PTPRT: variants seen among roughly 807,000 people sequenced by gnomAD.
PTPRT encodes the protein receptor-type tyrosine-protein phosphatase T.
In PTPRT, 56 loss-of-function variants were observed where a neutral mutation model predicts 176.8. The ratio of observed to expected loss-of-function variants is 0.32; its 90% CI spans 0.26 to 0.40. PTPRT has a LOEUF of 0.40. Ranked by LOEUF, PTPRT falls within the 10% of genes least tolerant of loss-of-function variation. The pLI is 1.00. For missense variants in PTPRT, 1,540 were observed against 1,908.2 expected, an observed-to-expected ratio of 0.81 and a Z score of 3.60; for synonymous variants, 783 against 739.0, an observed-to-expected ratio of 1.06 and a Z score of -0.96.
chr20:42,703,806 C>T (rs1193166266), intron 6 of PTPRT, among the ~76,000 whole-genome samples: 2 of 152,168 alleles, frequency 1.3e-5, no homozygotes, highest in African/African-American at 2.4e-5. Flanking sequence ...CTTGCCCCTG[C>T]ACACGAGCTC....
At chr20:42,347,844 T>C (rs1320849754) in intron 11 of PTPRT, among the ~76,000 whole-genome samples, 2 of 152,266 alleles carry the variant, frequency 1.3e-5, no homozygotes, top group Non-Finnish European at 2.9e-5. Context: ...CTTTCTATTG[T>C]GCATGGGCAA....
intron 1 of PTPRT, among the ~76,000 whole-genome samples, chr20:42,982,163 G>A (rs1171300656): frequency 6.6e-6 from 1 of 152,180 alleles, no homozygotes; most frequent in Non-Finnish European, 1.5e-5. Flanking sequence ...ACCTTCGTTA[G>A]GTTGACGAAG....
intron 2 of PTPRT, among the ~76,000 whole-genome samples, chr20:42,856,553 G>C (rs937404931): frequency 2.0e-5 from 3 of 152,078 alleles, no homozygotes; most frequent in Non-Finnish European, 4.4e-5. Context: ...AAACATGACA[G>C]TTGTTCAAGA....
chr20:42,644,964 C>G (rs556033571), intron 7 of PTPRT, among the ~76,000 whole-genome samples: 34 of 152,134 alleles, frequency 2.2e-4, no homozygotes, highest in Non-Finnish European at 3.5e-4. Flanking sequence ...AAGTTCAGAA[C>G]CTTGCTACAT....
Position 42,618,346 on chromosome 20 carries a change from G to T in PTPRT, c.1153+59520C>A, listed in dbSNP as rs1345520193. Among the ~76,000 whole-genome samples, 6 of 135,310 alleles carry T rather than the reference G, an allele frequency of 4.4e-5. 1 individual carries two copies. Among genetic ancestry groups the T allele is most frequent in the African/African-American group, 2.0e-4 (6 of 30,336 alleles). 88.8% of individuals were successfully genotyped at this position (135,310 alleles called of 152,430 possible). On this transcript the variant is annotated intron_variant, in intron 7 of 30. Coordinates refer to ENST00000373187, the MANE Select transcript of PTPRT (RefSeq NM_007050.6). Reference sequence around the variant, plus strand: ...TCTGTTCTTTTACATTTGCTGAGGAGTGCTTTACTTCCAACTATGTGGTCA... The same window carrying T: ...TCTGTTCTTTTACATTTGCTGAGGATTGCTTTACTTCCAACTATGTGGTCA...
the PTPRT span, among the ~76,000 whole-genome samples, chr20:42,039,311 CAT>C: frequency 2.0e-5 from 3 of 152,130 alleles, no homozygotes; most frequent in Admixed American, 6.5e-5. Flanking sequence ...AGCTGATTAA[CAT>C]ATGCATTAGT....
chr20:42,503,093 A>C (rs1485605622), intron 7 of PTPRT, among the ~76,000 whole-genome samples: 1 of 151,970 alleles, frequency 6.6e-6, no homozygotes, highest in Non-Finnish European at 1.5e-5. Flanking sequence ...TTCTGGAGAG[A>C]AAAAAGGAGT....
At position 42,829,443 on chromosome 20, in the gene PTPRT, A is replaced by AT. The variant is rs370812283; in HGVS notation, c.215-37978dup. On this transcript the variant is annotated intron_variant, in intron 2 of 30. Transcript: ENST00000373187. ...TTTGGGGGACTGTTAGAAGGCCATG[A>AT]TTGGCCAGGCGCAGTGGCTCACACC... is the stretch of plus-strand genomic sequence containing the variant. 1.1e-3 allele frequency among the ~76,000 whole-genome samples: 167 copies of AT among 152,332 alleles called. 2 individuals are homozygous for AT. The East Asian group carries it at 0.024, about 22-fold the overall frequency.
chr20:42,541,665 C>G (rs1291455783), intron 7 of PTPRT, among the ~76,000 whole-genome samples: 3 of 150,544 alleles, frequency 2.0e-5, no homozygotes, highest in Non-Finnish European at 3.0e-5. Flanking sequence ...TTAGATGGAG[C>G]AAATAATCAA....
chr20:42,063,278 C>G, the PTPRT span, among the ~76,000 whole-genome samples: 7 of 152,186 alleles, frequency 4.6e-5, no homozygotes, highest in Admixed American at 4.6e-4. Context: ...CACCCACAGT[C>G]TGTTTGGACA....
intron 9 of PTPRT, among the ~76,000 whole-genome samples, chr20:42,438,069 A>G (rs576495932): frequency 1.3e-5 from 2 of 152,348 alleles, no homozygotes; most frequent in East Asian, 1.9e-4. Flanking sequence ...AGAAAGTTCC[A>G]TCTCTAGCCA....
intron 16 of PTPRT, among the ~76,000 whole-genome samples, chr20:42,164,800 A>G (rs1989757896): frequency 1.3e-5 from 2 of 152,200 alleles, no homozygotes; most frequent in Admixed American, 1.3e-4. Context: ...TAATTCAACA[A>G]GGGCACTGGA....
intron 7 of PTPRT, among the ~76,000 whole-genome samples, chr20:42,637,195 T>G (rs1376249988): frequency 1.3e-5 from 2 of 152,192 alleles, no homozygotes; most frequent in East Asian, 3.8e-4. Context: ...ATTCTGACAC[T>G]GCTGGTCAGG....
At chr20:42,058,464 TG>T in the PTPRT span, among the ~76,000 whole-genome samples, 191 of 152,232 alleles carry the variant, frequency 1.3e-3, 1 homozygote, top group Non-Finnish European at 1.9e-3. Context: ...TTTGGTTCCT[TG>T]TAATCTCAGC....
intron 5 of PTPRT, among the ~76,000 whole-genome samples, chr20:42,759,489 C>G (rs754890229): frequency 3.9e-5 from 6 of 152,064 alleles, no homozygotes; most frequent in Non-Finnish European, 8.8e-5. Context: ...TACGGTGAAA[C>G]CCAGAAATCA....
intron 18 of PTPRT, 129 bp downstream of exon 18, chr20:42,141,786 G>T: frequency 1.2e-6 from 1 of 869,178 alleles, no homozygotes; most frequent in Non-Finnish European, 1.9e-6. Flanking sequence ...TTCCATCTTG[G>T]CATGTAGATA....
At chr20:42,124,455 G>A (rs946670095) in intron 19 of PTPRT, among the ~76,000 whole-genome samples, 2 of 152,276 alleles carry the variant, frequency 1.3e-5, no homozygotes, top group African/African-American at 4.8e-5. Context: ...TACATTTTCG[G>A]GTGTGCAAAC....
intron 13 of PTPRT, chr20:42,270,294 G>A: frequency 9.6e-7 from 1 of 1,044,322 alleles, no homozygotes; most frequent in East Asian, 2.6e-5. Flanking sequence ...GTGGGTGGGT[G>A]GGGTGGAAAG....
At chr20:42,035,666 C>G in the PTPRT span, among the ~76,000 whole-genome samples, 9 of 152,154 alleles carry the variant, frequency 5.9e-5, no homozygotes, top group Non-Finnish European at 1.0e-4. Flanking sequence ...CCACTTTCCT[C>G]TGGTCAGTAA....
Sources: allele counts gnomAD v4.1 joint callset (sites outside exome capture counted in the v4.1 genomes callset), GRCh38; gene constraint gnomAD v4.1.1; transcripts MANE v1.5; gene names NCBI Gene and HGNC (gene_info 2026-07-23, HGNC 2026-07-21).